Variants in RNF180 observed in about 807,000 individuals in gnomAD.
The protein encoded by RNF180 is E3 ubiquitin-protein ligase RNF180.
A neutral mutation model predicts 59.2 loss-of-function variants in RNF180; 38 were observed. The observed-to-expected ratio is 0.64, with a 90% CI of 0.50 to 0.84. The LOEUF is 0.84. RNF180 is among the 40% of genes least tolerant of loss of function. The probability of loss-of-function intolerance (pLI) is 0.00; values close to 1 mark genes in which losing one functional copy is unlikely to be tolerated. For missense variants in RNF180, 705 were observed against 700.9 expected (o/e 1.01, Z -0.07); for synonymous variants, 262 against 240.3 (o/e 1.09, Z -0.84).
At chr5:64,366,530 G>A (rs1308442106) in intron 7 of RNF180, among the ~76,000 whole-genome samples, 1 of 151,490 alleles carries the variant, frequency 6.6e-6, no homozygotes, top group Non-Finnish European at 1.5e-5. Context: ...ATGATCTCCT[G>A]TAATATGTTT....
chr5:64,218,960 T>C (rs1211972363), intron 5 of RNF180, among the ~76,000 whole-genome samples: 4 of 152,174 alleles, frequency 2.6e-5, no homozygotes, highest in Admixed American at 2.0e-4. Flanking sequence ...ATTCCTATTA[T>C]TTTTAATGCT....
chr5:64,174,801 A>G (rs1750138547), intron 1 of RNF180, among the ~76,000 whole-genome samples: 1 of 152,080 alleles, frequency 6.6e-6, no homozygotes. Flanking sequence ...TTAAATATAA[A>G]TATAATCCTG....
At chr5:64,289,710 T>C (rs1026737832) in intron 5 of RNF180, among the ~76,000 whole-genome samples, 1 of 152,200 alleles carries the variant, frequency 6.6e-6, no homozygotes, top group African/African-American at 2.4e-5. Context: ...GTTGGTTGTT[T>C]GTATTTCTGT....
chr5:64,231,375 C>CA (rs1233200445), intron 5 of RNF180, among the ~76,000 whole-genome samples: 1 of 152,288 alleles, frequency 6.6e-6, no homozygotes, highest in South Asian at 2.1e-4. Flanking sequence ...GAGGTTTTTA[C>CA]ACTTACTAAT....
Position 64,325,245 on chromosome 5 carries a change from C to G in RNF180, c.1287C>G (p.Ser429Arg). 1 of 1,551,452 alleles carries G rather than the reference C, an allele frequency of 6.4e-7. No homozygotes were observed. Among genetic ancestry groups the G allele is most frequent in the Non-Finnish European group, 8.7e-7 (1 of 1,146,784 alleles). The change falls in exon 6 of 8, where the codon AGC (serine) becomes AGG (arginine). Residue 429 changes from serine to arginine, a missense_variant. By Grantham distance (110) the Ser-to-Arg change is moderately radical. Transcript: ENST00000389100. ...EDNEYAEEKD[S>R]YICAVCLDVY... ...ATGAATATGCAGAAGAAAAGGATAGCTACATCTGTGCAGTGTGTCTGGACG... is the reference window on the plus strand; with the variant it reads ...ATGAATATGCAGAAGAAAAGGATAGGTACATCTGTGCAGTGTGTCTGGACG...
chr5:64,316,230 A>T (rs1185228346), intron 5 of RNF180, among the ~76,000 whole-genome samples: 3 of 152,180 alleles, frequency 2.0e-5, no homozygotes, highest in Non-Finnish European at 4.4e-5. Flanking sequence ...TTATGAGAAT[A>T]CTTTTGCCCT....
At chr5:64,350,207 A>C (rs1248819564) in intron 7 of RNF180, among the ~76,000 whole-genome samples, 1 of 152,160 alleles carries the variant, frequency 6.6e-6, no homozygotes, top group Non-Finnish European at 1.5e-5. Context: ...GGGTGCATAA[A>C]TGTCTTCTTT....
chr5:64,266,527 C>A (rs1186264698), intron 5 of RNF180, among the ~76,000 whole-genome samples: 1 of 152,016 alleles, frequency 6.6e-6, no homozygotes, highest in Admixed American at 6.6e-5. Context: ...TACTAGTAGC[C>A]AGAAACATGT....
At chr5:64,363,326 C>T (rs999824958) in intron 7 of RNF180, among the ~76,000 whole-genome samples, 1 of 151,806 alleles carries the variant, frequency 6.6e-6, no homozygotes, top group Non-Finnish European at 1.5e-5. Context: ...GCCAGTTATC[C>T]GAGCACCATT....
intron 5 of RNF180, among the ~76,000 whole-genome samples, chr5:64,276,972 C>T (rs1218315085): frequency 6.6e-6 from 1 of 151,926 alleles, no homozygotes; most frequent in African/African-American, 2.4e-5. Flanking sequence ...ATGTTTTTCT[C>T]CCTTTTTAAA....
intron 5 of RNF180, among the ~76,000 whole-genome samples, chr5:64,300,057 G>A (rs1445453617): frequency 2.0e-5 from 3 of 151,630 alleles, no homozygotes; most frequent in Non-Finnish European, 4.4e-5. Context: ...TTGTGTTCAG[G>A]TAACCCTTAT....
intron 1 of RNF180, among the ~76,000 whole-genome samples, chr5:64,198,291 G>A (rs1019466616): frequency 1.3e-5 from 2 of 152,092 alleles, no homozygotes; most frequent in Non-Finnish European, 2.9e-5. Flanking sequence ...AGTAGCTACT[G>A]TATAGAATAG....
chr5:64,212,019 A>C, intron 2 of RNF180, 46 bp from the exon 3 acceptor site: 1 of 1,104,582 alleles, frequency 9.1e-7, no homozygotes, highest in East Asian at 2.5e-5. Flanking sequence ...CTGTGAAATA[A>C]ATTCTGAACT....
chr5:64,298,739 TGAACCAGAGCA>T (rs1561246686), intron 5 of RNF180, among the ~76,000 whole-genome samples: 1 of 152,066 alleles, frequency 6.6e-6, no homozygotes, highest in Non-Finnish European at 1.5e-5. Context: ...GCCAGTCCGC[TGAACCAGAGCA>T]GGTTCAAAGA....
intron 7 of RNF180, among the ~76,000 whole-genome samples, chr5:64,362,801 A>G (rs1342277789): frequency 6.6e-6 from 1 of 151,794 alleles, no homozygotes; most frequent in Non-Finnish European, 1.5e-5. Flanking sequence ...GTGAGATGGT[A>G]TCTCATTGTG....
rs543029894 is a variant in RNF180 at position 64,203,895 on chromosome 5, T to C, written c.135+2953T>C. ...GTATACATTATCAAAATATTAAAAATGAACATGAAAGGATCCTTTAAAGGA... is the reference window on the plus strand; with the variant it reads ...GTATACATTATCAAAATATTAAAAACGAACATGAAAGGATCCTTTAAAGGA... On this transcript the variant is annotated intron_variant, in intron 2 of 7. Transcript: ENST00000389100. Among the ~76,000 whole-genome samples the C allele has an allele frequency of 4.6e-5, 7 of 152,186 alleles. No homozygotes were observed. In the South Asian group the frequency reaches 1.2e-3, roughly 27 times the overall value.
At chr5:64,267,326 T>C (rs1181706408) in intron 5 of RNF180, among the ~76,000 whole-genome samples, 1 of 152,108 alleles carries the variant, frequency 6.6e-6, no homozygotes, top group Non-Finnish European at 1.5e-5. Flanking sequence ...AGTTTTTTTT[T>C]CACTTTGATT....
At chr5:64,322,602 CGTGTGTGT>C (rs76117470) in intron 5 of RNF180, among the ~76,000 whole-genome samples, 33,177 of 143,374 alleles carry the variant, frequency 0.23, 3,911 homozygotes, top group Middle Eastern at 0.31. Flanking sequence ...TATATATATA[CGTGTGTGT>C]GTGTGTGTGT....
At chr5:64,172,362 C>T (rs921294442) in intron 1 of RNF180, among the ~76,000 whole-genome samples, 7 of 152,036 alleles carry the variant, frequency 4.6e-5, no homozygotes, top group Non-Finnish European at 1.0e-4. Flanking sequence ...TCTACAAAGG[C>T]TGCCTCATGT....
Sources: allele counts gnomAD v4.1 joint callset (sites outside exome capture counted in the v4.1 genomes callset), GRCh38; gene constraint gnomAD v4.1.1; transcripts MANE v1.5; gene names NCBI Gene and HGNC (gene_info 2026-07-23, HGNC 2026-07-21).